NRG3: variants seen among roughly 807,000 people sequenced by gnomAD.
NRG3 encodes pro-neuregulin-3, membrane-bound isoform.
A neutral mutation model predicts 66.9 loss-of-function variants in NRG3; 31 were observed. That is an observed-to-expected ratio of 0.46 (90% CI 0.35 to 0.63). The LOEUF (loss-of-function observed/expected upper bound fraction) is 0.63, where lower values mean the gene tolerates loss of function less well. Among genes scored for constraint, NRG3 ranks in the 20% least tolerant of loss-of-function variants. NRG3 has a pLI of 0.00. For synonymous variants in NRG3, 393 were observed against 359.4 expected, an observed-to-expected ratio of 1.09 and a Z score of -1.06; for missense variants, 910 against 878.9, an observed-to-expected ratio of 1.04 and a Z score of -0.45.
chr10:82,937,784 A>T (rs76962805), intron 4 of NRG3, among the ~76,000 whole-genome samples: 1 of 152,216 alleles, frequency 6.6e-6, no homozygotes, highest in Non-Finnish European at 1.5e-5. Context: ...AGTAGGTTAC[A>T]GTCTATTTGG....
intron 1 of NRG3, among the ~76,000 whole-genome samples, chr10:81,975,116 G>A (rs2060070945): frequency 1.3e-5 from 2 of 150,884 alleles, no homozygotes; most frequent in Admixed American, 6.6e-5. Context: ...AAAAAAAAAA[G>A]AAAAACATAA....
At chr10:82,663,735 C>T (rs1342785285) in intron 2 of NRG3, among the ~76,000 whole-genome samples, 6 of 152,192 alleles carry the variant, frequency 3.9e-5, no homozygotes, top group African/African-American at 1.2e-4. Context: ...TTAGCACAAA[C>T]ACTAGAAATA....
chr10:82,620,939 A>G (rs2049003147), intron 2 of NRG3, among the ~76,000 whole-genome samples: 1 of 152,024 alleles, frequency 6.6e-6, no homozygotes, highest in Admixed American at 6.6e-5. Context: ...AATAATCTCT[A>G]TATGCTTATT....
chr10:82,330,163 C>T (rs953142527), intron 1 of NRG3, among the ~76,000 whole-genome samples: 25 of 152,034 alleles, frequency 1.6e-4, no homozygotes, highest in Non-Finnish European at 1.6e-4. Flanking sequence ...ATTTATTTCC[C>T]TGGGCTAATA....
chr10:82,408,775 A>G (rs2087821672), intron 2 of NRG3, among the ~76,000 whole-genome samples: 1 of 151,792 alleles, frequency 6.6e-6, no homozygotes, highest in African/African-American at 2.4e-5. Flanking sequence ...TAATAACGCA[A>G]GAGAGAGGAA....
intron 3 of NRG3, among the ~76,000 whole-genome samples, chr10:82,742,728 A>G (rs1279581770): frequency 6.6e-6 from 1 of 152,092 alleles, no homozygotes; most frequent in South Asian, 2.1e-4. Flanking sequence ...CTGCCAGCGC[A>G]CTGAGGGATA....
intron 2 of NRG3, among the ~76,000 whole-genome samples, chr10:82,537,610 A>G (rs2043249102): frequency 6.6e-6 from 1 of 152,200 alleles, no homozygotes; most frequent in Non-Finnish European, 1.5e-5. Context: ...TTTAAATTAC[A>G]TAAAAGTGTT....
At chr10:82,818,394 G>A (rs1451465653) in intron 3 of NRG3, among the ~76,000 whole-genome samples, 2 of 152,110 alleles carry the variant, frequency 1.3e-5, no homozygotes, top group Non-Finnish European at 2.9e-5. Flanking sequence ...TCTCAGGAGG[G>A]ATCAGACCAT....
At chr10:82,544,751 C>G (rs975022645) in intron 2 of NRG3, among the ~76,000 whole-genome samples, 2 of 152,108 alleles carry the variant, frequency 1.3e-5, no homozygotes, top group South Asian at 4.1e-4. Context: ...AATTTACTAC[C>G]CACAGATAGC....
chr10:82,642,188 C>T (rs1208980173), intron 2 of NRG3, among the ~76,000 whole-genome samples: 1 of 152,054 alleles, frequency 6.6e-6, no homozygotes, highest in Admixed American at 6.6e-5. Flanking sequence ...TATCTATTTG[C>T]ATGGCTTCAT....
At position 82,265,511 on chromosome 10, in the gene NRG3, A is replaced by T. The variant is rs1043974718; in HGVS notation, c.824-93228A>T. Among the ~76,000 whole-genome samples, 6 of 152,206 alleles carry T rather than the reference A, an allele frequency of 3.9e-5. No individual in the cohort carries two copies. In the East Asian group the frequency reaches 1.2e-3, roughly 29 times the overall value. On this transcript the variant is annotated intron_variant, in intron 1 of 8. Coordinates refer to ENST00000372141, the MANE Select transcript of NRG3 (RefSeq NM_001010848.4). ...AATATACTAGGGTAAGAAAGCTTGA[A>T]AGTTACAAGGTAGTAAAGTGTCTGA...
chr10:82,907,132 G>C (rs907375425), intron 4 of NRG3, among the ~76,000 whole-genome samples: 17 of 152,112 alleles, frequency 1.1e-4, no homozygotes, highest in African/African-American at 3.9e-4. Context: ...CTACAGTGAG[G>C]CATCCTCTCT....
chr10:82,358,125 TA>T (rs1165540448), intron 1 of NRG3, among the ~76,000 whole-genome samples: 2 of 152,180 alleles, frequency 1.3e-5, no homozygotes, highest in East Asian at 1.9e-4. Flanking sequence ...TAAGATATGC[TA>T]AAAAATGGCA....
chr10:82,847,080 T>C (rs901250377), intron 3 of NRG3, among the ~76,000 whole-genome samples: 3 of 152,238 alleles, frequency 2.0e-5, no homozygotes, highest in African/African-American at 7.2e-5. Context: ...CATCGTAGCA[T>C]GTGGTTTTCC....
chr10:81,879,245 AT>A (rs990477699), intron 1 of NRG3, among the ~76,000 whole-genome samples: 4 of 152,300 alleles, frequency 2.6e-5, no homozygotes, highest in African/African-American at 7.2e-5. Flanking sequence ...AGGGGAGATT[AT>A]TTCACCAGAA....
chr10:82,882,781 G>T (rs897975076), intron 4 of NRG3, among the ~76,000 whole-genome samples: 1 of 152,016 alleles, frequency 6.6e-6, no homozygotes, highest in Non-Finnish European at 1.5e-5. Flanking sequence ...ATGCCACAAA[G>T]GCCTGTGTCA....
chr10:82,302,441 C>A (rs1008297616), intron 1 of NRG3, among the ~76,000 whole-genome samples: 1 of 151,958 alleles, frequency 6.6e-6, no homozygotes, highest in Admixed American at 6.6e-5. Context: ...TTCTGCTGAA[C>A]AATAATAGTA....
intron 1 of NRG3, among the ~76,000 whole-genome samples, chr10:82,067,651 C>G (rs750325218): frequency 6.6e-6 from 1 of 152,184 alleles, no homozygotes. Flanking sequence ...CCTGGCCTGT[C>G]TGTTTGCACT....
chr10:81,951,716 C>T (rs112254464), intron 1 of NRG3, among the ~76,000 whole-genome samples: 1 of 152,170 alleles, frequency 6.6e-6, no homozygotes, highest in Non-Finnish European at 1.5e-5. Context: ...AATTTTAAAA[C>T]TTTTTGTTAC....
Sources: allele counts gnomAD v4.1 joint callset (sites outside exome capture counted in the v4.1 genomes callset), GRCh38; gene constraint gnomAD v4.1.1; transcripts MANE v1.5; gene names NCBI Gene and HGNC (gene_info 2026-07-23, HGNC 2026-07-21).